Variants in EEA1 observed in about 807,000 individuals in gnomAD.
The protein encoded by EEA1 is early endosome antigen 1, also known as early endosome antigen 1, 162kD.
Under a neutral mutation model 209.2 loss-of-function variants are expected in EEA1, and 111 were observed. The observed-to-expected ratio is 0.53, with a 90% CI of 0.45 to 0.62. EEA1 has a LOEUF of 0.62. EEA1 is among the 20% of genes least tolerant of loss of function. The pLI, the probability that EEA1 is intolerant of heterozygous loss-of-function variation, is 0.00. For synonymous variants in EEA1, 536 were observed against 540.6 expected, an observed-to-expected ratio of 0.99 and a Z score of 0.12; for missense variants, 1,343 against 1,530.8, an observed-to-expected ratio of 0.88 and a Z score of 2.05.
chr12:92,852,808 C>T, intron 7 of EEA1, 104 bp downstream of exon 7: 1 of 715,152 alleles, frequency 1.4e-6, no homozygotes, highest in South Asian at 2.3e-5. Context: ...AAGTCTATCA[C>T]AAATGCTTTA....
At chr12:92,872,745 G>C (rs1478025902) in intron 2 of EEA1, among the ~76,000 whole-genome samples, 1 of 152,148 alleles carries the variant, frequency 6.6e-6, no homozygotes, top group Non-Finnish European at 1.5e-5. Context: ...TTGAGGTCAG[G>C]AGTTCGAGAC....
At chr12:92,881,529 A>T (rs956837364) in intron 2 of EEA1, among the ~76,000 whole-genome samples, 1 of 152,222 alleles carries the variant, frequency 6.6e-6, no homozygotes, top group African/African-American at 2.4e-5. Context: ...GAAAAACACC[A>T]GAAGAGAGGT....
At chr12:92,865,389 A>C (rs959006109) in intron 2 of EEA1, among the ~76,000 whole-genome samples, 1 of 152,034 alleles carries the variant, frequency 6.6e-6, no homozygotes, top group African/African-American at 2.4e-5. Context: ...AAAAAAAAAA[A>C]AAGAAGATGA....
At chr12:92,811,993 T>C (rs145891195) in intron 16 of EEA1, among the ~76,000 whole-genome samples, 1 of 152,254 alleles carries the variant, frequency 6.6e-6, no homozygotes, top group African/African-American at 2.4e-5. Flanking sequence ...AACTGTTTTG[T>C]TCTGTTTTTT....
At chr12:92,840,746 T>C (rs1877131664) in intron 10 of EEA1, among the ~76,000 whole-genome samples, 1 of 152,214 alleles carries the variant, frequency 6.6e-6, no homozygotes, top group Admixed American at 6.5e-5. Flanking sequence ...GGTACTAGCA[T>C]AAAGATGGAC....
At chr12:92,910,022 A>G (rs552888559) in intron 1 of EEA1, among the ~76,000 whole-genome samples, 1 of 152,228 alleles carries the variant, frequency 6.6e-6, no homozygotes, top group East Asian at 1.9e-4. Context: ...AGCCACCTGT[A>G]ATCCCAGCTA....
At chr12:92,924,840 TAAAAAAA>T (rs58741191) in intron 1 of EEA1, among the ~76,000 whole-genome samples, 3 of 74,500 alleles carry the variant, frequency 4.0e-5, no homozygotes, top group African/African-American at 5.3e-5. Flanking sequence ...CCTAACATGC[TAAAAAAA>T]AAAAAAAAAA....
chr12:92,830,018 G>A (rs76807759), intron 11 of EEA1, among the ~76,000 whole-genome samples: 8 of 151,562 alleles, frequency 5.3e-5, no homozygotes, highest in South Asian at 2.1e-4. Context: ...GTGTGGGGGG[G>A]GCGGGTGAGG....
chr12:92,923,439 C>G (rs1302067403), intron 1 of EEA1, among the ~76,000 whole-genome samples: 1 of 152,222 alleles, frequency 6.6e-6, no homozygotes, highest in Non-Finnish European at 1.5e-5. Flanking sequence ...ATCCCATCCA[C>G]ATCCAGAAAT....
chr12:92,852,423 T>C lies in EEA1; in HGVS notation c.521-127A>G, dbSNP rs549076371. 23 of 536,224 alleles carry C rather than the reference T, an allele frequency of 4.3e-5. No homozygotes were observed. In the South Asian group the frequency reaches 1.3e-3, roughly 31 times the overall value. 33.2% of individuals were successfully genotyped at this position (536,224 alleles called of 1,614,324 possible). A position where few individuals can be genotyped will look rare whatever the true frequency, so the allele number is the denominator to read the frequency against. On this transcript the variant is annotated intron_variant, in intron 7 of 28. Coordinates refer to ENST00000322349, the MANE Select transcript of EEA1 (RefSeq NM_003566.4). ...CACATTCCTTAGATAACCATAAATA[T>C]ATACAGTAAATTTATACTTCTAATT...
At chr12:92,812,298 C>T (rs1875558582) in intron 16 of EEA1, among the ~76,000 whole-genome samples, 1 of 151,560 alleles carries the variant, frequency 6.6e-6, no homozygotes, top group South Asian at 2.1e-4. Context: ...CATTGCGCTC[C>T]AACCTGGGTA....
At chr12:92,837,795 T>C (rs749680715) in intron 10 of EEA1, among the ~76,000 whole-genome samples, 6 of 152,236 alleles carry the variant, frequency 3.9e-5, no homozygotes, top group Non-Finnish European at 8.8e-5. Context: ...CAATGTTACC[T>C]ATCCACGTTG....
At chr12:92,863,326 G>T (rs994503029) in intron 3 of EEA1, among the ~76,000 whole-genome samples, 3 of 152,180 alleles carry the variant, frequency 2.0e-5, no homozygotes, top group Non-Finnish European at 2.9e-5. Context: ...CAGAAGTGAT[G>T]CTCTGACACT....
chr12:92,920,839 AACCT>A (rs1880955858), intron 1 of EEA1, among the ~76,000 whole-genome samples: 2 of 150,650 alleles, frequency 1.3e-5, no homozygotes, highest in African/African-American at 2.4e-5. Flanking sequence ...AAATTTTCGC[AACCT>A]ACTCATCTGA....
chr12:92,775,909 G>A lies in EEA1; in HGVS notation c.*102C>T. On this transcript the variant is annotated 3_prime_UTR_variant, in exon 29 of 29. Transcript: ENST00000322349. ...ACTAATTCCTATTTGGTCTAGTATT[G>A]CAACCAGTGTCCAAACCAAATAGTA... 1 of 1,253,624 alleles carries A rather than the reference G, an allele frequency of 8.0e-7. No homozygotes were observed. The allele number at this position is 1,253,624 out of a possible 1,614,324, so 77.7% of individuals were successfully genotyped here.
intron 10 of EEA1, among the ~76,000 whole-genome samples, chr12:92,841,628 T>G (rs1046814259): frequency 6.6e-6 from 1 of 152,134 alleles, no homozygotes; most frequent in Non-Finnish European, 1.5e-5. Flanking sequence ...TTAAAAAATG[T>G]TCAACAACGT....
At chr12:92,793,895 A>G (rs539256471) in intron 21 of EEA1, among the ~76,000 whole-genome samples, 1 of 152,182 alleles carries the variant, frequency 6.6e-6, no homozygotes, top group African/African-American at 2.4e-5. Context: ...TAATTAAACT[A>G]AAGAGCTTCC....
At position 92,777,936 on chromosome 12, in the gene EEA1, A is replaced by G. The variant is rs779412421; in HGVS notation, c.3893+5T>C. On this transcript the variant is annotated splice_donor_5th_base_variant and intron_variant, in intron 26 of 28. Coordinates refer to ENST00000322349, the MANE Select transcript of EEA1 (RefSeq NM_003566.4). ...AATAAACTAATTTTACTAGATATCA[A>G]TCACCTTTCCAGTAGTGCTCTCCTT... 13 of 1,606,800 alleles carry G rather than the reference A, an allele frequency of 8.1e-6. No homozygotes were observed. The Middle Eastern group carries it at 1.2e-3, about 143-fold the overall frequency.
At chr12:92,804,297 G>A (rs1047598731) in intron 18 of EEA1, among the ~76,000 whole-genome samples, 1 of 152,106 alleles carries the variant, frequency 6.6e-6, no homozygotes, top group African/African-American at 2.4e-5. Flanking sequence ...TTAGGGCCAG[G>A]CACGGTGGCT....
Sources: allele counts gnomAD v4.1 joint callset (sites outside exome capture counted in the v4.1 genomes callset), GRCh38; gene constraint gnomAD v4.1.1; transcripts MANE v1.5; gene names NCBI Gene and HGNC (gene_info 2026-07-23, HGNC 2026-07-21).